METTL25: variants seen among roughly 807,000 people sequenced by gnomAD.
METTL25 encodes the protein probable methyltransferase-like protein 25.
METTL25 carries 64 observed loss-of-function variants against 71.6 expected under a neutral mutation model. The observed-to-expected ratio is 0.89, with a 90% CI of 0.73 to 1.10. The LOEUF is 1.10. Among genes scored for constraint, METTL25 ranks in the 50% least tolerant of loss-of-function variants. METTL25 has a pLI of 0.00. For missense variants in METTL25, 807 were observed against 707.0 expected, an observed-to-expected ratio of 1.14 and a Z score of -1.60; for synonymous variants, 287 against 250.3, an observed-to-expected ratio of 1.15 and a Z score of -1.38.
chr12:82,457,514 G>A (rs1268949478), intron 9 of METTL25, among the ~76,000 whole-genome samples: 1 of 151,748 alleles, frequency 6.6e-6, no homozygotes, highest in Non-Finnish European at 1.5e-5. Flanking sequence ...AAAGCTAAAG[G>A]GTATTATTAT....
chr12:82,388,189 C>T (rs1190357625), intron 2 of METTL25, among the ~76,000 whole-genome samples: 1 of 152,068 alleles, frequency 6.6e-6, no homozygotes, highest in African/African-American at 2.4e-5. Flanking sequence ...TTAGGAAGCA[C>T]ATAGAATTTT....
chr12:82,401,793 T>G (rs1886643577), intron 4 of METTL25, among the ~76,000 whole-genome samples: 1 of 152,070 alleles, frequency 6.6e-6, no homozygotes, highest in East Asian at 1.9e-4. Flanking sequence ...GAAATTAATA[T>G]ACCTATATTC....
At position 82,399,162 on chromosome 12, in the gene METTL25, C is replaced by T. The variant is rs768108659; in HGVS notation, c.899C>T (p.Pro300Leu). Reference protein sequence around the residue: ...RNQMETLHSQPHQEENLCFEN... With the variant: ...RNQMETLHSQLHQEENLCFEN... ...CAAATGGAAACCCTTCATTCTCAGC[C>T]ACATCAAGAAGAAAATTTGTGTTTT... Residue 300 changes from proline to leucine, a missense_variant, in exon 4 of 12, where the codon CCA becomes CTA. Transcript: ENST00000248306. 3.1e-5 allele frequency: 50 copies of T among 1,613,372 alleles called. No homozygotes were observed. The highest frequency in any genetic ancestry group is 3.4e-5 in the Non-Finnish European group (40 of 1,179,824).
Position 82,434,667 on chromosome 12 carries a change from C to A in METTL25, c.1375-28C>A, listed in dbSNP as rs1293701270. The A allele has an allele frequency of 4.4e-6, 7 of 1,602,048 alleles. No individual in the cohort carries two copies. The African/African-American group carries it at 9.4e-5, about 22-fold the overall frequency. On this transcript the variant is annotated intron_variant, in intron 6 of 11. Transcript: ENST00000248306. The stretch of plus-strand genomic sequence containing the variant: ...AATCTTATAAGACTCAATATATCAA[C>A]AATCTGTCTTGTTTTTTTCCCTTTA...
intron 2 of METTL25, among the ~76,000 whole-genome samples, chr12:82,388,315 T>C (rs899495994): frequency 2.6e-5 from 4 of 152,132 alleles, no homozygotes; most frequent in Non-Finnish European, 4.4e-5. Context: ...ATTATTTTAA[T>C]TTTTTAAATC....
At chr12:82,373,783 C>T (rs940755891) in intron 1 of METTL25, among the ~76,000 whole-genome samples, 3 of 152,224 alleles carry the variant, frequency 2.0e-5, no homozygotes, top group African/African-American at 7.2e-5. Flanking sequence ...CAAACCAGTG[C>T]TCCCAACTCC....
chr12:82,365,586 G>C (rs1038800406), intron 1 of METTL25, among the ~76,000 whole-genome samples: 1 of 152,220 alleles, frequency 6.6e-6, no homozygotes, highest in Non-Finnish European at 1.5e-5. Flanking sequence ...GACTGTAAGT[G>C]TAAATCTGTA....
chr12:82,361,086 ACCC>A (rs1393961731), intron 1 of METTL25, among the ~76,000 whole-genome samples: 2 of 151,684 alleles, frequency 1.3e-5, no homozygotes, highest in Non-Finnish European at 2.9e-5. Flanking sequence ...CTCTTATCTG[ACCC>A]CACCCACATC....
rs528493688 is a variant in METTL25 at position 82,369,927 on chromosome 12, C to T, written c.259+11103C>T. 2.0e-4 allele frequency among the ~76,000 whole-genome samples: 30 copies of T among 152,118 alleles called. No individual in the cohort carries two copies. In the Middle Eastern group the frequency reaches 0.01, roughly 52 times the overall value. On this transcript the variant is annotated intron_variant, in intron 1 of 11. Transcript: ENST00000248306. ...CGTTTTTACAGAGTGCTGATTGGTGCGTTTACAATCCTTTACCTAGACACA... is the reference window on the plus strand; with the variant it reads ...CGTTTTTACAGAGTGCTGATTGGTGTGTTTACAATCCTTTACCTAGACACA...
At chr12:82,385,435 A>G (rs1186137279) in intron 1 of METTL25, among the ~76,000 whole-genome samples, 1 of 152,128 alleles carries the variant, frequency 6.6e-6, no homozygotes, top group African/African-American at 2.4e-5. Flanking sequence ...AGATTGCAGC[A>G]TGGTTTCATG....
At chr12:82,453,478 A>C (rs1256843371) in intron 8 of METTL25, among the ~76,000 whole-genome samples, 1 of 152,110 alleles carries the variant, frequency 6.6e-6, no homozygotes, top group Non-Finnish European at 1.5e-5. Context: ...AGTTTACTTA[A>C]CCTCTGTCTA....
chr12:82,363,926 T>G (rs1010172465), intron 1 of METTL25, among the ~76,000 whole-genome samples: 3 of 152,146 alleles, frequency 2.0e-5, no homozygotes, highest in Admixed American at 2.0e-4. Context: ...TATAAATATG[T>G]TTAAAGAGCT....
Position 82,358,536 on chromosome 12 carries a change from C to T in METTL25, c.-30C>T. ...AGCTGGCGCCTCACGGCCATGTTTG[C>T]GCCACCTACAGCCTCGGAGGGTGAG... is the stretch of plus-strand genomic sequence containing the variant. On this transcript the variant is annotated 5_prime_UTR_variant, in exon 1 of 12. Transcript: ENST00000248306. 2 of 1,602,030 alleles carry T rather than the reference C, an allele frequency of 1.2e-6. No individual in the cohort carries two copies.
Position 82,449,450 on chromosome 12 carries a change from G to A in METTL25, c.1479-7277G>A, listed in dbSNP as rs115558639. On this transcript the variant is annotated intron_variant, in intron 8 of 11. Transcript: ENST00000248306. ...CGCCAGATTATTCATCATTTCCCAT[G>A]CCATTATTTTTACACTTTGTGTGTT... Among the ~76,000 whole-genome samples the A allele has an allele frequency of 3.2e-3, 487 of 152,214 alleles. 4 individuals are homozygous for A. Among genetic ancestry groups the A allele is most frequent in the African/African-American group, 0.011 (471 of 41,530 alleles).
intron 6 of METTL25, among the ~76,000 whole-genome samples, chr12:82,434,047 G>C (rs1160547177): frequency 6.6e-6 from 1 of 150,810 alleles, no homozygotes; most frequent in Non-Finnish European, 1.5e-5. Context: ...GAAATATTTT[G>C]TAAAAAATAT....
chr12:82,365,594 G>A (rs532973927), intron 1 of METTL25, among the ~76,000 whole-genome samples: 1 of 152,300 alleles, frequency 6.6e-6, no homozygotes, highest in Admixed American at 6.5e-5. Context: ...GTGTAAATCT[G>A]TAACATTCTC....
At chr12:82,376,945 C>G (rs552025638) in intron 1 of METTL25, among the ~76,000 whole-genome samples, 1 of 152,184 alleles carries the variant, frequency 6.6e-6, no homozygotes, top group African/African-American at 2.4e-5. Context: ...GAAACCCTGT[C>G]TTTACTAAAA....
chr12:82,479,204 A>C lies in METTL25; in HGVS notation c.*180A>C. The C allele has an allele frequency of 2.0e-6, 1 of 502,272 alleles. No individual in the cohort carries two copies. The allele number at this position is 502,272 out of a possible 1,614,324, so 31.1% of individuals were successfully genotyped here. On this transcript the variant is annotated 3_prime_UTR_variant, in exon 12 of 12. Coordinates refer to ENST00000248306, the MANE Select transcript of METTL25 (RefSeq NM_032230.3). ...CCATTTTTCCATTGTCAAAGCATAC[A>C]TTAATAAAAGAAGAACCTGTCATAA...
At chr12:82,400,346 A>C (rs1255592127) in intron 4 of METTL25, among the ~76,000 whole-genome samples, 1 of 66,268 alleles carries the variant, frequency 1.5e-5, no homozygotes, top group South Asian at 5.3e-4. Context: ...AACAAAAAAA[A>C]AAAGAAAAAA....
Sources: allele counts gnomAD v4.1 joint callset (sites outside exome capture counted in the v4.1 genomes callset), GRCh38; gene constraint gnomAD v4.1.1; transcripts MANE v1.5; gene names NCBI Gene and HGNC (gene_info 2026-07-23, HGNC 2026-07-21).